The following DACH2 variants were observed in gnomAD, a reference collection of about 807,000 sequenced individuals.
DACH2 encodes dachshund homolog 2.
DACH2 carries 17 observed loss-of-function variants against 35.8 expected under a neutral mutation model. The observed-to-expected ratio is 0.48, with a 90% CI of 0.33 to 0.71. DACH2 has a LOEUF of 0.71. DACH2 is among the 30% of genes least tolerant of loss of function. The pLI is 0.02. For synonymous variants in DACH2, 195 were observed against 177.3 expected (o/e 1.10, Z -0.79); for missense variants, 469 against 472.7 (o/e 0.99, Z 0.07).
At chrX:86,213,407 T>C (rs1440798261) in intron 1 of DACH2, among the ~76,000 whole-genome samples, 8 of 111,454 alleles carry the variant, frequency 7.2e-5, no homozygotes, top group African/African-American at 2.6e-4. Context: ...TTTCTAAATA[T>C]AGTCAGTGGT....
chrX:86,333,132 T>C (rs992157949), intron 1 of DACH2, among the ~76,000 whole-genome samples: 2 of 112,202 alleles, frequency 1.8e-5, no homozygotes, highest in Non-Finnish European at 3.8e-5. Context: ...TGCTGCTGGA[T>C]GTAGACTTTT....
At chrX:86,609,815 G>A (rs756846829) in intron 3 of DACH2, among the ~76,000 whole-genome samples, 17 of 111,329 alleles carry the variant, frequency 1.5e-4, no homozygotes, top group Non-Finnish European at 2.8e-4. Context: ...CCACAAAATA[G>A]AGTCTCTTTG....
chrX:86,339,108 C>A (rs183426024), intron 1 of DACH2, among the ~76,000 whole-genome samples: 2 of 111,662 alleles, frequency 1.8e-5, no homozygotes, highest in Non-Finnish European at 3.8e-5. Context: ...CAGGACCAGA[C>A]GGATTCACAG....
At chrX:86,395,261 T>A (rs2036266209) in intron 2 of DACH2, among the ~76,000 whole-genome samples, 1 of 111,908 alleles carries the variant, frequency 8.9e-6, no homozygotes, top group Non-Finnish European at 1.9e-5. Context: ...TAAAAGTAGA[T>A]CCTTTCCAAG....
At chrX:86,571,749 T>C (rs1474823137) in intron 3 of DACH2, among the ~76,000 whole-genome samples, 4 of 110,894 alleles carry the variant, frequency 3.6e-5, no homozygotes, top group African/African-American at 1.3e-4. Flanking sequence ...TGCCTTTCTC[T>C]ATAAATTTAA....
chrX:86,385,448 G>A (rs12841072), intron 2 of DACH2, among the ~76,000 whole-genome samples: 1 of 111,032 alleles, frequency 9.0e-6, no homozygotes, highest in Non-Finnish European at 1.9e-5. Context: ...AATATAAATA[G>A]CAAGACAGCA....
chrX:86,460,135 GT>G (rs1309611853), intron 2 of DACH2, among the ~76,000 whole-genome samples: 7 of 110,629 alleles, frequency 6.3e-5, no homozygotes, highest in Non-Finnish European at 1.3e-4. Context: ...AGAAATTACT[GT>G]GATTTCTTAA....
Position 86,684,641 on chromosome X carries a change from T to C in DACH2, c.773-10380T>C, listed in dbSNP as rs188979370. Among the ~76,000 whole-genome samples the C allele has an allele frequency of 4.9e-3, 545 of 111,171 alleles. 6 individuals carry two copies. Among genetic ancestry groups the C allele is most frequent in the African/African-American group, 0.017 (519 of 30,717 alleles). On this transcript the variant is annotated intron_variant, in intron 4 of 11. Coordinates refer to ENST00000373125, the MANE Select transcript of DACH2 (RefSeq NM_053281.3). ...AATATACATCCATAATATTACACTT[T>C]TACAACACTAATTTTTCATCTTCTT...
intron 3 of DACH2, among the ~76,000 whole-genome samples, chrX:86,593,859 A>G (rs1224675442): frequency 3.6e-5 from 4 of 111,488 alleles, no homozygotes; most frequent in African/African-American, 1.3e-4. Flanking sequence ...CACTGGCCTC[A>G]TAGAATTAGT....
chrX:86,611,819 T>C (rs1376516335), intron 3 of DACH2, among the ~76,000 whole-genome samples: 1 of 111,395 alleles, frequency 9.0e-6, no homozygotes, highest in African/African-American at 3.3e-5. Flanking sequence ...TGTCAGTGAT[T>C]AAAAACTGTC....
intron 5 of DACH2, among the ~76,000 whole-genome samples, chrX:86,711,947 G>A (rs973276302): frequency 5.4e-5 from 6 of 111,997 alleles, no homozygotes; most frequent in African/African-American, 1.9e-4. Context: ...ATGGTGTCTA[G>A]GTGATGCTGA....
In DACH2 at chrX:86,537,218, C is replaced by T. The variant is rs748925216; in HGVS notation, c.640+22827C>T. On this transcript the variant is annotated intron_variant, in intron 3 of 11. Coordinates refer to ENST00000373125, the MANE Select transcript of DACH2 (RefSeq NM_053281.3). ...CTTGGACCCACATGAGCTATGGCTG[C>T]GTGGCTTAAGAGTGTTGCATTAGAA... 7.2e-4 allele frequency among the ~76,000 whole-genome samples: 80 copies of T among 111,576 alleles called. 1 individual carries two copies. The highest frequency in any genetic ancestry group is 1.9e-3 in the African/African-American group (57 of 30,712).
intron 2 of DACH2, among the ~76,000 whole-genome samples, chrX:86,387,136 C>T (rs911773313): frequency 1.8e-5 from 2 of 111,267 alleles, no homozygotes; most frequent in Admixed American, 9.7e-5. Context: ...AACCTATCCC[C>T]TTATCCAGCA....
intron 2 of DACH2, among the ~76,000 whole-genome samples, chrX:86,501,610 T>C (rs2038249661): frequency 8.9e-6 from 1 of 112,176 alleles, no homozygotes; most frequent in Non-Finnish European, 1.9e-5. Flanking sequence ...CTTGCTGACC[T>C]TGCTAACAAC....
intron 3 of DACH2, among the ~76,000 whole-genome samples, chrX:86,580,096 T>C (rs2039483398): frequency 8.9e-6 from 1 of 111,824 alleles, no homozygotes; most frequent in Non-Finnish European, 1.9e-5. Context: ...AGTTTGAGCA[T>C]GCAGACCAGG....
chrX:86,339,704 G>A (rs2035381105), intron 1 of DACH2, among the ~76,000 whole-genome samples: 1 of 111,517 alleles, frequency 9.0e-6, no homozygotes, highest in Admixed American at 9.6e-5. Context: ...GCACCACACT[G>A]CCTCTTAGGT....
At chrX:86,432,403 T>A (rs1282253216) in intron 2 of DACH2, among the ~76,000 whole-genome samples, 1 of 112,186 alleles carries the variant, frequency 8.9e-6, no homozygotes, top group African/African-American at 3.2e-5. Context: ...TCCCTGGTAC[T>A]GAGTGACAGT....
At chrX:86,195,682 C>T (rs183667265) in intron 1 of DACH2, among the ~76,000 whole-genome samples, 1 of 111,855 alleles carries the variant, frequency 8.9e-6, no homozygotes, top group East Asian at 2.8e-4. Flanking sequence ...CAGCACCACC[C>T]TTTGGAGTGC....
At chrX:86,607,610 A>T (rs1452605927) in intron 3 of DACH2, among the ~76,000 whole-genome samples, 2 of 109,969 alleles carry the variant, frequency 1.8e-5, no homozygotes, top group African/African-American at 3.3e-5. Context: ...TATTATTATT[A>T]TACTTTAAGT....
Sources: gnomAD v4.1 joint callset for allele counts (sites outside exome capture counted in the v4.1 genomes callset) on GRCh38, gnomAD v4.1.1 for gene constraint, MANE v1.5 for transcripts, NCBI Gene and HGNC (gene_info 2026-07-23, HGNC 2026-07-21) for gene names.